Variants in SCAI observed in about 807,000 individuals in gnomAD.
SCAI encodes suppressor of cancer cell invasion.
Under a neutral mutation model 92.2 loss-of-function variants are expected in SCAI, and 24 were observed. The ratio of observed to expected loss-of-function variants is 0.26; its 90% CI spans 0.19 to 0.37. SCAI has a LOEUF of 0.37. SCAI is among the 10% of genes least tolerant of loss of function. The pLI is 1.00. For missense variants in SCAI, 450 were observed against 736.2 expected (o/e 0.61, Z 4.50); for synonymous variants, 261 against 258.6 (o/e 1.01, Z -0.09).
intron 14 of SCAI, among the ~76,000 whole-genome samples, chr9:124,989,458 G>A (rs1832069702): frequency 6.6e-6 from 1 of 152,050 alleles, no homozygotes; most frequent in South Asian, 2.1e-4. Flanking sequence ...GTGTGCGCCT[G>A]TAATCCCAGC....
At chr9:124,968,916 C>A in intron 17 of SCAI, 3 of 401,206 alleles carry the variant, frequency 7.5e-6, no homozygotes, top group Non-Finnish European at 1.3e-5. Context: ...TGTAGGAAAT[C>A]TCCAAAATTT....
At chr9:125,140,690 CA>C (rs35807255) in intron 2 of SCAI, among the ~76,000 whole-genome samples, 70 of 76,482 alleles carry the variant, frequency 9.2e-4, no homozygotes, top group Middle Eastern at 6.9e-3. Context: ...CTTGTCTCTA[CA>C]AAAAAAAAAA....
intron 3 of SCAI, among the ~76,000 whole-genome samples, chr9:125,047,706 T>C: frequency 6.6e-6 from 1 of 152,198 alleles, no homozygotes; most frequent in South Asian, 2.1e-4. Context: ...CAGCCACACA[T>C]GGCTACTAAG....
chr9:124,971,638 T>C, intron 16 of SCAI, 33 bp downstream of exon 16: 1 of 1,536,168 alleles, frequency 6.5e-7, no homozygotes, highest in Non-Finnish European at 8.8e-7. Flanking sequence ...TATAGTACAT[T>C]CTGTTAAACG....
At chr9:125,007,418 C>T (rs890372232) in intron 9 of SCAI, among the ~76,000 whole-genome samples, 1 of 152,050 alleles carries the variant, frequency 6.6e-6, no homozygotes, top group Non-Finnish European at 1.5e-5. Flanking sequence ...GGCCAGGTGC[C>T]GTGGTTCATG....
At chr9:124,973,430 G>C (rs1181663511) in intron 15 of SCAI, among the ~76,000 whole-genome samples, 6 of 152,224 alleles carry the variant, frequency 3.9e-5, no homozygotes, top group Admixed American at 1.3e-4. Context: ...AGGTGTGGTG[G>C]CTCACGCCTG....
intron 15 of SCAI, among the ~76,000 whole-genome samples, chr9:124,973,080 C>T (rs1009096185): frequency 6.6e-6 from 1 of 152,126 alleles, no homozygotes; most frequent in African/African-American, 2.4e-5. Flanking sequence ...GGGGACAGGT[C>T]CCAAGTCTAA....
At chr9:125,017,667 C>T (rs1832788294) in intron 9 of SCAI, among the ~76,000 whole-genome samples, 1 of 152,072 alleles carries the variant, frequency 6.6e-6, no homozygotes, top group Non-Finnish European at 1.5e-5. Context: ...CATGGTGCTA[C>T]TCTGTCATGA....
Position 125,143,492 on chromosome 9 carries a change from A to G in SCAI, c.-55T>C. ...CCGGCGGCCGCAGGGCTCGCTCGGG[A>G]AGCTGAGGCGGCGGAGGCTGGAGTA... On this transcript the variant is annotated 5_prime_UTR_variant, in exon 1 of 18. Coordinates refer to ENST00000336505, the MANE Select transcript of SCAI (RefSeq NM_001144877.3). The G allele has an allele frequency of 1.0e-5, 13 of 1,305,204 alleles. No individual in the cohort carries two copies. The highest frequency in any genetic ancestry group is 1.3e-5 in the Non-Finnish European group (13 of 1,025,166). The allele number at this position is 1,305,204 out of a possible 1,614,324, so 80.9% of individuals were successfully genotyped here.
chr9:125,014,432 T>C (rs534616571), intron 9 of SCAI, among the ~76,000 whole-genome samples: 12 of 152,314 alleles, frequency 7.9e-5, no homozygotes, highest in South Asian at 2.1e-4. Context: ...CCATTCACAA[T>C]TGCTTCAAAG....
At chr9:125,106,917 G>T (rs554111120) in intron 2 of SCAI, among the ~76,000 whole-genome samples, 2 of 136,918 alleles carry the variant, frequency 1.5e-5, no homozygotes, top group African/African-American at 5.4e-5. Context: ...GTCTCATTAT[G>T]TTGCCCACGC....
intron 5 of SCAI, among the ~76,000 whole-genome samples, chr9:125,027,473 T>C (rs1832985278): frequency 1.3e-5 from 2 of 152,312 alleles, no homozygotes; most frequent in South Asian, 2.1e-4. Context: ...TGCCAAAATG[T>C]AGGAAATGGA....
At position 124,947,282 on chromosome 9, in the gene SCAI, C is replaced by T. The variant is rs756898505; in HGVS notation, c.*5525G>A. 6.6e-6 allele frequency: 1 copy of T among 152,142 alleles called. No individual in the cohort carries two copies. Among genetic ancestry groups the T allele is most frequent in the African/African-American group, 2.4e-5 (1 of 41,440 alleles). The allele number at this position is 152,142 out of a possible 1,614,324, so 9.4% of individuals were successfully genotyped here. On this transcript the variant is annotated 3_prime_UTR_variant, in exon 18 of 18. Transcript: ENST00000336505. Reference sequence around the variant, plus strand: ...GGATCAAGAAAATAAAGGACTACTACAGCCTAAGAATCTGCTGGTGTCTCA... The same window carrying T: ...GGATCAAGAAAATAAAGGACTACTATAGCCTAAGAATCTGCTGGTGTCTCA...
At position 124,977,689 on chromosome 9, in the gene SCAI, A is replaced by T. The variant is rs577198121; in HGVS notation, c.1327-1503T>A. Among the ~76,000 whole-genome samples the T allele has an allele frequency of 2.0e-5, 3 of 152,292 alleles. No homozygotes were observed. In the South Asian group the frequency reaches 6.2e-4, roughly 32 times the overall value. ...ACCCTGTCTCAAAACAAAAAACAAA[A>T]CAAAACAAAACATAACAGAAGAAAA... On this transcript the variant is annotated intron_variant, in intron 14 of 17. Coordinates refer to ENST00000336505, the MANE Select transcript of SCAI (RefSeq NM_001144877.3).
chr9:125,129,584 C>T (rs1402755202), intron 2 of SCAI, among the ~76,000 whole-genome samples: 3 of 148,436 alleles, frequency 2.0e-5, no homozygotes, highest in Non-Finnish European at 1.5e-5. Flanking sequence ...CTGCATCAGC[C>T]TACCAAGTAG....
intron 2 of SCAI, among the ~76,000 whole-genome samples, chr9:125,095,553 A>C (rs898492836): frequency 6.6e-6 from 1 of 152,250 alleles, no homozygotes; most frequent in African/African-American, 2.4e-5. Context: ...CCTATTTTTA[A>C]CTGGGCATAA....
At chr9:124,959,900 G>A (rs1490975579) in intron 17 of SCAI, among the ~76,000 whole-genome samples, 1 of 152,116 alleles carries the variant, frequency 6.6e-6, no homozygotes, top group Non-Finnish European at 1.5e-5. Flanking sequence ...ATTCCATGGT[G>A]TATATGTGCC....
intron 14 of SCAI, among the ~76,000 whole-genome samples, chr9:124,987,148 T>A (rs914794114): frequency 2.6e-5 from 4 of 152,078 alleles, no homozygotes; most frequent in Non-Finnish European, 5.9e-5. Context: ...CTCGGCCTCC[T>A]GAATAGCTGG....
intron 9 of SCAI, among the ~76,000 whole-genome samples, chr9:125,010,003 G>A (rs1256708763): frequency 1.3e-5 from 2 of 152,202 alleles, no homozygotes; most frequent in Non-Finnish European, 2.9e-5. Flanking sequence ...GACCATTCTG[G>A]TTAACACGGT....
Sources: allele counts gnomAD v4.1 joint callset (sites outside exome capture counted in the v4.1 genomes callset), GRCh38; gene constraint gnomAD v4.1.1; transcripts MANE v1.5; gene names NCBI Gene and HGNC (gene_info 2026-07-23, HGNC 2026-07-21).